HDAC1: variants seen among roughly 807,000 people sequenced by gnomAD.
HDAC1 encodes the protein histone deacetylase 1.
Under a neutral mutation model 65.5 loss-of-function variants are expected in HDAC1, and 18 were observed. The observed-to-expected ratio is 0.27, with a 90% CI of 0.19 to 0.41. The LOEUF (loss-of-function observed/expected upper bound fraction) is 0.41, where lower values mean the gene tolerates loss of function less well. HDAC1 is among the 10% of genes least tolerant of loss of function. The probability of loss-of-function intolerance (pLI) is 1.00; values close to 1 mark genes in which losing one functional copy is unlikely to be tolerated. For missense variants in HDAC1, 373 were observed against 625.2 expected, an observed-to-expected ratio of 0.60 and a Z score of 4.30; for synonymous variants, 211 against 227.9, an observed-to-expected ratio of 0.93 and a Z score of 0.67.
At chr1:32,314,575 C>T (rs1310844722) in intron 2 of HDAC1, among the ~76,000 whole-genome samples, 1 of 151,696 alleles carries the variant, frequency 6.6e-6, no homozygotes, top group Non-Finnish European at 1.5e-5. Flanking sequence ...GCCTGTAATC[C>T]CAGCACTTTG....
chr1:32,294,904 C>G lies in HDAC1; in HGVS notation c.49+2686C>G, dbSNP rs912155015. On this transcript the variant is annotated intron_variant, in intron 1 of 13. Coordinates refer to ENST00000373548, the MANE Select transcript of HDAC1 (RefSeq NM_004964.3). ...TTGAACTCCTGTGCCTGGCCTCAAG[C>G]AATCCTGCCACCTTGGCCTCCCAAA... 2.0e-5 allele frequency among the ~76,000 whole-genome samples: 3 copies of G among 150,054 alleles called. No individual in the cohort carries two copies. In the East Asian group the frequency reaches 5.9e-4, roughly 30 times the overall value.
intron 3 of HDAC1, among the ~76,000 whole-genome samples, chr1:32,319,147 A>G (rs985530227): frequency 1.3e-5 from 2 of 152,126 alleles, no homozygotes; most frequent in African/African-American, 4.8e-5. Context: ...CTGGGTGCCT[A>G]TAGTCTCAGC....
chr1:32,327,486 C>A lies in HDAC1; in HGVS notation c.495-50C>A, dbSNP rs760751109. ...AAGCTGGGAGCTAGCGCCCTTGGCA[C>A]GTCCCATCCCCAAAGAGCCCCCAGA... On this transcript the variant is annotated intron_variant, in intron 5 of 13. Transcript: ENST00000373548. This position sits in a 1 kb window ranked among gnomAD's most constrained non-coding sequence, Gnocchi z 6.0. 6 of 1,418,048 alleles carry A rather than the reference C, an allele frequency of 4.2e-6. No individual in the cohort carries two copies. In the South Asian group the frequency reaches 4.7e-5, roughly 11 times the overall value. The allele number at this position is 1,418,048 out of a possible 1,614,324, so 87.8% of individuals were successfully genotyped here. A position where few individuals can be genotyped will look rare whatever the true frequency, so the allele number is the denominator to read the frequency against.
In HDAC1 at chr1:32,320,921, AAAC is replaced by A. The variant is rs1388524351; in HGVS notation, c.281-3556_281-3554del. On this transcript the variant is annotated intron_variant, in intron 3 of 13. Coordinates refer to ENST00000373548, the MANE Select transcript of HDAC1 (RefSeq NM_004964.3). ...TCTCAAAAAAAAAAAAAAAAAAAAA[AAAC>A]AGAAAAAGAAAAAAACATATTTTAG... 2.0e-5 allele frequency among the ~76,000 whole-genome samples: 3 copies of A among 148,488 alleles called. No homozygotes were observed. The East Asian group carries it at 5.9e-4, about 29-fold the overall frequency.
chr1:32,319,455 A>T (rs973696382), intron 3 of HDAC1, among the ~76,000 whole-genome samples: 3 of 152,110 alleles, frequency 2.0e-5, no homozygotes, highest in African/African-American at 7.2e-5. Context: ...AGCCCTTTTT[A>T]AAAAAAGAAT....
At chr1:32,294,750 A>G (rs979717224) in intron 1 of HDAC1, among the ~76,000 whole-genome samples, 5 of 147,590 alleles carry the variant, frequency 3.4e-5, no homozygotes, top group African/African-American at 1.0e-4. Context: ...TCCTGACCTC[A>G]TGATCCGCCC....
intron 13 of HDAC1, 95 bp from the exon 14 acceptor site, chr1:32,332,922 G>A (rs1641317222): frequency 5.2e-6 from 7 of 1,354,124 alleles, no homozygotes; most frequent in East Asian, 2.4e-5. Flanking sequence ...CCAGCCCCCA[G>A]TAGTCACCTA....
Position 32,330,620 on chromosome 1 carries a change from G to T in HDAC1, c.772G>T (p.Val258Phe). The T allele has an allele frequency of 1.2e-6, 2 of 1,614,008 alleles. No homozygotes were observed. Among genetic ancestry groups the T allele is most frequent in the Non-Finnish European group, 1.7e-6 (2 of 1,179,892 alleles). The change falls in exon 8 of 14, where the codon GTC becomes TTC. Residue 258 changes from valine to phenylalanine, a missense_variant. Transcript: ENST00000373548. This position sits in a 1 kb window ranked among gnomAD's most constrained non-coding sequence, Gnocchi z 4.2. ...VMEMFQPSAV[V>F]LQCGSDSLSG... ...GGAGATGTTCCAGCCTAGTGCGGTGGTCTTACAGTGTGGCTCAGACTCCCT... is the reference window on the plus strand; with the variant it reads ...GGAGATGTTCCAGCCTAGTGCGGTGTTCTTACAGTGTGGCTCAGACTCCCT...
chr1:32,312,802 A>G (rs962835817), intron 2 of HDAC1, among the ~76,000 whole-genome samples: 5 of 152,028 alleles, frequency 3.3e-5, no homozygotes, highest in African/African-American at 1.2e-4. Context: ...CAGCCTCCTG[A>G]GTAGCTGGGA....
At chr1:32,326,329 A>AT (rs1641216863) in intron 4 of HDAC1, among the ~76,000 whole-genome samples, 2 of 151,356 alleles carry the variant, frequency 1.3e-5, no homozygotes, top group African/African-American at 4.9e-5. Flanking sequence ...GCCCAGCTAA[A>AT]TTTTTTCGTA....
chr1:32,326,644 T>G (rs1269473862), intron 4 of HDAC1, among the ~76,000 whole-genome samples: 1 of 151,802 alleles, frequency 6.6e-6, no homozygotes, highest in African/African-American at 2.4e-5. Context: ...TTCTATGCTA[T>G]TTCATTAAAA....
intron 13 of HDAC1, 113 bp downstream of exon 13, chr1:32,332,862 TTCAGGG>T (rs1437830267): frequency 2.8e-5 from 33 of 1,195,742 alleles, no homozygotes; most frequent in Non-Finnish European, 3.8e-5. Flanking sequence ...AAAGGCCTCT[TTCAGGG>T]ACCAGTCTGT....
intron 4 of HDAC1, 40 bp from the exon 5 acceptor site, chr1:32,326,899 G>A: frequency 6.2e-7 from 1 of 1,608,444 alleles, no homozygotes; most frequent in Non-Finnish European, 8.5e-7. Context: ...AGGGGAGAGT[G>A]GCTTAGTAAC....
At chr1:32,293,355 C>G (rs906184976) in intron 1 of HDAC1, among the ~76,000 whole-genome samples, 2 of 151,564 alleles carry the variant, frequency 1.3e-5, no homozygotes, top group African/African-American at 4.8e-5. Flanking sequence ...AAATAGGGAC[C>G]GGACCATGAA....
intron 2 of HDAC1, among the ~76,000 whole-genome samples, chr1:32,308,603 C>T (rs1219418869): frequency 3.9e-5 from 6 of 152,080 alleles, no homozygotes; most frequent in Admixed American, 3.9e-4. Context: ...ACTGCAAGCT[C>T]CACCTCTTGG....
intron 3 of HDAC1, among the ~76,000 whole-genome samples, chr1:32,319,194 C>G (rs1429297014): frequency 6.6e-6 from 1 of 151,988 alleles, no homozygotes; most frequent in Non-Finnish European, 1.5e-5. Context: ...TTCTTGAGCC[C>G]AGGAGTTCAA....
chr1:32,331,833 C>CATA lies in HDAC1; in HGVS notation c.1219+27_1219+28insATA. On this transcript the variant is annotated intron_variant, in intron 11 of 13. Transcript: ENST00000373548. The surrounding 1 kb of genome is among the most constrained non-coding windows in gnomAD (Gnocchi z 4.2). ...TGAGACCCAGACCTAGAGCCCTATG[C>CATA]CTTCCATTCAATAGGCAGCTCACAC... The CATA allele has an allele frequency of 1.3e-6, 2 of 1,578,786 alleles. No individual in the cohort carries two copies. Among genetic ancestry groups the CATA allele is most frequent in the Non-Finnish European group, 1.7e-6 (2 of 1,161,026 alleles).
At position 32,329,964 on chromosome 1, in the gene HDAC1, A is replaced by ACATATG; in HGVS notation, c.730-614_730-613insCATATG. ...GAGGAGTGCTGAAGGAGGCGGTGGG[A>ACATATG]AGTGTATGCTGGGCTCAGTATTTCA... On this transcript the variant is annotated intron_variant, in intron 7 of 13. Coordinates refer to ENST00000373548, the MANE Select transcript of HDAC1 (RefSeq NM_004964.3). The surrounding 1 kb of genome is among the most constrained non-coding windows in gnomAD (Gnocchi z 4.1). The ACATATG allele has an allele frequency of 6.5e-6, 1 of 153,782 alleles. No homozygotes were observed. The highest frequency in any genetic ancestry group is 2.0e-4 in the South Asian group (1 of 4,914). 9.5% of individuals were successfully genotyped at this position (153,782 alleles called of 1,614,324 possible).
chr1:32,328,174 C>T (rs1409498936), intron 6 of HDAC1, among the ~76,000 whole-genome samples: 1 of 152,370 alleles, frequency 6.6e-6, no homozygotes, highest in East Asian at 1.9e-4. Flanking sequence ...TTGGAAGCTA[C>T]TTCGTTGAAC....
Sources: gnomAD v4.1 joint callset for allele counts (sites outside exome capture counted in the v4.1 genomes callset) on GRCh38, gnomAD v4.1.1 for gene constraint, Gnocchi (gnomAD v3.1) non-coding constraint, MANE v1.5 for transcripts, NCBI Gene and HGNC (gene_info 2026-07-23, HGNC 2026-07-21) for gene names.